GRM7: variants seen among roughly 807,000 people sequenced by gnomAD.
GRM7 encodes the protein metabotropic glutamate receptor 7.
A neutral mutation model predicts 84.5 loss-of-function variants in GRM7; 35 were observed. That is an observed-to-expected ratio of 0.41 (90% CI 0.32 to 0.55). The LOEUF (loss-of-function observed/expected upper bound fraction) is 0.55. Among genes scored for constraint, GRM7 ranks in the 20% least tolerant of loss-of-function variants. GRM7 has a pLI of 0.19. For synonymous variants in GRM7, 487 were observed against 455.1 expected (o/e 1.07, Z -0.89); for missense variants, 1,003 against 1,194.6 (o/e 0.84, Z 2.36).
rs560472717 is a variant in GRM7 at position 7,440,599 on chromosome 3, C to A, written c.1175-12008C>A. On this transcript the variant is annotated intron_variant, in intron 5 of 9. Coordinates refer to ENST00000357716, the MANE Select transcript of GRM7 (RefSeq NM_000844.4). The stretch of plus-strand genomic sequence containing the variant: ...GGGCTTGGTGTACATATTATGTTGT[C>A]ACACAGGTGATAAACGTAGTATCCG... Among the ~76,000 whole-genome samples the A allele has an allele frequency of 2.6e-5, 4 of 152,222 alleles. No individual in the cohort carries two copies. The South Asian group carries it at 8.3e-4, about 32-fold the overall frequency.
chr3:7,515,224 A>G (rs1235450803), intron 7 of GRM7, among the ~76,000 whole-genome samples: 3 of 152,038 alleles, frequency 2.0e-5, no homozygotes. Context: ...AAAAAAAAAA[A>G]AAAAGACATC....
chr3:7,153,337 T>C (rs1453301060), intron 2 of GRM7, among the ~76,000 whole-genome samples: 1 of 152,104 alleles, frequency 6.6e-6, no homozygotes, highest in Admixed American at 6.6e-5. Context: ...GGGTTGTCTC[T>C]TTATGAGTTC....
chr3:7,690,208 G>A (rs1213146827), intron 9 of GRM7, among the ~76,000 whole-genome samples: 1 of 152,156 alleles, frequency 6.6e-6, no homozygotes, highest in Non-Finnish European at 1.5e-5. Flanking sequence ...GAAGCAGCCT[G>A]AGGGTAGAAA....
intron 8 of GRM7, among the ~76,000 whole-genome samples, chr3:7,582,881 G>A (rs755973173): frequency 1.2e-4 from 19 of 152,174 alleles, no homozygotes; most frequent in East Asian, 3.9e-4. Context: ...TCTGGAATGC[G>A]GCATAGAACT....
intron 9 of GRM7, among the ~76,000 whole-genome samples, chr3:7,706,806 A>G (rs995014434): frequency 2.0e-5 from 3 of 152,100 alleles, no homozygotes; most frequent in Non-Finnish European, 2.9e-5. Context: ...GACTGACACC[A>G]TGTGACCCAA....
At chr3:7,389,055 C>G (rs2125138392) in intron 4 of GRM7, among the ~76,000 whole-genome samples, 1 of 151,998 alleles carries the variant, frequency 6.6e-6, no homozygotes, top group East Asian at 1.9e-4. Context: ...TTGCCACATA[C>G]CAGAGGTTTC....
At chr3:6,893,779 AAT>A (rs1186070329) in intron 1 of GRM7, 2 of 152,190 alleles carry the variant, frequency 1.3e-5, no homozygotes, top group Non-Finnish European at 2.9e-5. Context: ...GTATTCTAAC[AAT>A]AACACTAATA....
At chr3:7,448,867 A>T (rs1439108788) in intron 5 of GRM7, among the ~76,000 whole-genome samples, 1 of 152,078 alleles carries the variant, frequency 6.6e-6, no homozygotes, top group Non-Finnish European at 1.5e-5. Flanking sequence ...TTATTAGTGT[A>T]GTTTAGAAAT....
chr3:7,016,678 A>C (rs930072705), intron 1 of GRM7, among the ~76,000 whole-genome samples: 7 of 152,348 alleles, frequency 4.6e-5, no homozygotes, highest in Non-Finnish European at 1.0e-4. Flanking sequence ...AAACTTGTGC[A>C]TAATGGTAGT....
chr3:7,242,800 A>T (rs1374228711), intron 2 of GRM7, among the ~76,000 whole-genome samples: 1 of 152,134 alleles, frequency 6.6e-6, no homozygotes, highest in African/African-American at 2.4e-5. Context: ...GTGTCTCTCC[A>T]TTTGTTAATT....
At chr3:7,600,558 G>A (rs191793778) in intron 8 of GRM7, among the ~76,000 whole-genome samples, 88 of 152,170 alleles carry the variant, frequency 5.8e-4, no homozygotes, top group African/African-American at 1.9e-3. Context: ...CCAGGGCTGC[G>A]GTTAAGTTCT....
intron 1 of GRM7, among the ~76,000 whole-genome samples, chr3:7,045,356 T>G (rs1315994148): frequency 2.6e-5 from 4 of 152,132 alleles, no homozygotes; most frequent in Non-Finnish European, 5.9e-5. Flanking sequence ...GTAAGTAAAA[T>G]TGCAAGGTCT....
At chr3:7,693,830 T>C (rs1559491736) in intron 9 of GRM7, 1 of 542,904 alleles carries the variant, frequency 1.8e-6, no homozygotes, top group East Asian at 2.8e-5. Flanking sequence ...GCCAGCAACA[T>C]CCTCTTAAAA....
At chr3:7,598,424 A>G (rs1387957080) in intron 8 of GRM7, among the ~76,000 whole-genome samples, 1 of 152,180 alleles carries the variant, frequency 6.6e-6, no homozygotes, top group Non-Finnish European at 1.5e-5. Flanking sequence ...TAACACAGGC[A>G]GACTCAGCTT....
chr3:7,223,337 G>A (rs1696873659), intron 2 of GRM7, among the ~76,000 whole-genome samples: 1 of 151,770 alleles, frequency 6.6e-6, no homozygotes. Context: ...CAGGTTTTAA[G>A]CCTTCATCTC....
At chr3:7,427,486 C>T (rs1479541303) in intron 5 of GRM7, among the ~76,000 whole-genome samples, 1 of 152,142 alleles carries the variant, frequency 6.6e-6, no homozygotes, top group Non-Finnish European at 1.5e-5. Flanking sequence ...GATGTCTCTT[C>T]CTGCAAATAC....
intron 1 of GRM7, among the ~76,000 whole-genome samples, chr3:6,918,529 G>C (rs1297987201): frequency 2.6e-5 from 4 of 152,116 alleles, no homozygotes; most frequent in African/African-American, 9.7e-5. Context: ...TTAACCTCTT[G>C]ATGCCTGTTT....
intron 8 of GRM7, among the ~76,000 whole-genome samples, chr3:7,638,563 C>T: frequency 6.6e-6 from 1 of 152,292 alleles, no homozygotes; most frequent in South Asian, 2.1e-4. Context: ...AAGATCACCT[C>T]TTTTCTTTCT....
chr3:6,972,748 GT>G (rs1352643199), intron 1 of GRM7, among the ~76,000 whole-genome samples: 2 of 152,158 alleles, frequency 1.3e-5, no homozygotes, highest in African/African-American at 4.8e-5. Flanking sequence ...GGCAGAGATG[GT>G]TAGGAAAGGT....
Sources: gnomAD v4.1 joint callset for allele counts (sites outside exome capture counted in the v4.1 genomes callset) on GRCh38, gnomAD v4.1.1 for gene constraint, MANE v1.5 for transcripts, NCBI Gene and HGNC (gene_info 2026-07-23, HGNC 2026-07-21) for gene names.